Variants in MYH10 observed in about 807,000 individuals in gnomAD.
MYH10 encodes myosin heavy chain 10, also known as myosin-10.
Under a neutral mutation model 257.8 loss-of-function variants are expected in MYH10, and 55 were observed. The observed-to-expected ratio is 0.21, with a 90% CI of 0.17 to 0.27. The LOEUF is 0.27. MYH10 is among the 10% of genes least tolerant of loss of function. The pLI is 1.00. For synonymous variants in MYH10, 854 were observed against 921.7 expected, an observed-to-expected ratio of 0.93 and a Z score of 1.33; for missense variants, 1,631 against 2,500.6, an observed-to-expected ratio of 0.65 and a Z score of 7.42.
chr17:8,546,908 T>A (rs1288822811), intron 11 of MYH10, among the ~76,000 whole-genome samples: 2 of 152,168 alleles, frequency 1.3e-5, no homozygotes, highest in African/African-American at 4.8e-5. Flanking sequence ...TATTTATTCA[T>A]TTTTTTAGAG....
chr17:8,487,313 C>T, intron 36 of MYH10, 120 bp downstream of exon 36: 3 of 1,193,688 alleles, frequency 2.5e-6, no homozygotes, highest in African/African-American at 3.0e-5. Flanking sequence ...TGGCCTGCTG[C>T]CCCACCCCCG....
chr17:8,624,280 T>C (rs1191162249), intron 1 of MYH10, among the ~76,000 whole-genome samples: 2 of 152,222 alleles, frequency 1.3e-5, no homozygotes, highest in African/African-American at 2.4e-5. Context: ...ACTTGTGCAC[T>C]GGCTTTCTGG....
intron 31 of MYH10, 95 bp from the exon 32 acceptor site, chr17:8,493,980 G>T: frequency 1.5e-6 from 2 of 1,376,984 alleles, no homozygotes; most frequent in Non-Finnish European, 2.0e-6. Context: ...AAAAGAGACA[G>T]CCTCAATGCA....
At chr17:8,616,740 C>CA (rs2085276468) in intron 2 of MYH10, among the ~76,000 whole-genome samples, 4 of 152,084 alleles carry the variant, frequency 2.6e-5, no homozygotes, top group Non-Finnish European at 5.9e-5. Flanking sequence ...ATCAAAATTT[C>CA]AACAAGGTTG....
At chr17:8,481,437 C>A in intron 37 of MYH10, 27 bp from the exon 38 acceptor site, 3 of 1,607,278 alleles carry the variant, frequency 1.9e-6, no homozygotes, top group African/African-American at 1.3e-5. Flanking sequence ...GCGTTAAGCT[C>A]TGGCTGTGAA....
At chr17:8,486,507 GA>G (rs1237172635) in intron 36 of MYH10, among the ~76,000 whole-genome samples, 10 of 81,096 alleles carry the variant, frequency 1.2e-4, no homozygotes, top group Non-Finnish European at 2.4e-4. Context: ...CTATCTCTGG[GA>G]AAAAAAACAA....
intron 1 of MYH10, among the ~76,000 whole-genome samples, chr17:8,623,689 A>G (rs138058246): frequency 1.3e-5 from 2 of 152,344 alleles, no homozygotes; most frequent in African/African-American, 4.8e-5. Flanking sequence ...ACCACAAGGA[A>G]ACAGCTACAA....
intron 9 of MYH10, among the ~76,000 whole-genome samples, chr17:8,550,136 T>C (rs1342423896): frequency 2.0e-5 from 3 of 150,102 alleles, no homozygotes; most frequent in Non-Finnish European, 4.4e-5. Flanking sequence ...GGAGCGTCTC[T>C]GCCTGGCCGC....
In MYH10 at chr17:8,478,412, T is replaced by C. The variant is rs773763080; in HGVS notation, c.5632A>G (p.Thr1878Ala). Residue 1878 changes from threonine (T) to alanine (A), a missense_variant, in exon 41 of 43, where the codon ACT becomes GCT. Around this residue, in one of 11 missense-constraint regions of MYH10, gnomAD observed 343 missense variants for 389.5 expected, o/e 0.88. Transcript: ENST00000360416. ...AAGATTTCTTTCAGCTTCTTCTCAG[T>C]GCGACGGACTAATTTGTTGGCGGCT... is the stretch of plus-strand genomic sequence containing the variant. ...RAAANKLVRR[T>A]EKKLKEIFMQ... 6.2e-7 allele frequency: 1 copy of C among 1,614,264 alleles called. No homozygotes were observed. Among genetic ancestry groups the C allele is most frequent in the East Asian group, 2.2e-5 (1 of 44,878 alleles).
chr17:8,615,944 A>T (rs542088839), intron 2 of MYH10, among the ~76,000 whole-genome samples: 7 of 152,240 alleles, frequency 4.6e-5, no homozygotes, highest in Non-Finnish European at 1.0e-4. Context: ...TTCAAAAAAC[A>T]TTGTACTGAA....
chr17:8,508,076 G>A (rs1347070642), intron 26 of MYH10, among the ~76,000 whole-genome samples: 3 of 152,088 alleles, frequency 2.0e-5, no homozygotes, highest in South Asian at 4.1e-4. Flanking sequence ...ACAGGGTCTC[G>A]CTGTGTTACC....
Position 8,589,064 on chromosome 17 carries a change from A to G in MYH10, c.530+17T>C, listed in dbSNP as rs756897547. The G allele has an allele frequency of 5.0e-6, 8 of 1,612,910 alleles. No individual in the cohort carries two copies. The highest frequency in any genetic ancestry group is 1.3e-5 in the African/African-American group (1 of 74,898). ...AAGAAAATCAAAAACAAATCTGAAC[A>G]TTCAACATTTACTTACGTGCAAAGA... On this transcript the variant is annotated intron_variant, in intron 4 of 42. Transcript: ENST00000360416.
chr17:8,545,371 G>A lies in MYH10; in HGVS notation c.1431+77C>T. 1 of 1,521,286 alleles carries A rather than the reference G, an allele frequency of 6.6e-7. No individual in the cohort carries two copies. Among genetic ancestry groups the A allele is most frequent in the South Asian group, 1.2e-5 (1 of 86,048 alleles). 94.2% of individuals were successfully genotyped at this position (1,521,286 alleles called of 1,614,324 possible). ...ATCCCTGGTGCCTCGTATGTACTGGGCACACAGTAAGCCTTCATATTTGTT... is the reference window on the plus strand; with the variant it reads ...ATCCCTGGTGCCTCGTATGTACTGGACACACAGTAAGCCTTCATATTTGTT... On this transcript the variant is annotated intron_variant, in intron 13 of 42. Coordinates refer to ENST00000360416, the MANE Select transcript of MYH10 (RefSeq NM_001256012.3). The surrounding 1 kb of genome is among the most constrained non-coding windows in gnomAD (Gnocchi z 4.7).
At chr17:8,542,688 C>T (rs758614692) in intron 13 of MYH10, among the ~76,000 whole-genome samples, 5 of 152,070 alleles carry the variant, frequency 3.3e-5, no homozygotes, top group Non-Finnish European at 5.9e-5. Flanking sequence ...CAAAGGAAGG[C>T]GAACAAGGTG....
intron 2 of MYH10, among the ~76,000 whole-genome samples, chr17:8,618,798 T>C (rs962110675): frequency 2.0e-5 from 3 of 152,246 alleles, no homozygotes; most frequent in Non-Finnish European, 4.4e-5. Flanking sequence ...CCATCTATCA[T>C]ATCAGAAAGG....
At chr17:8,530,731 A>T in intron 16 of MYH10, 46 bp from the exon 17 acceptor site, 4 of 1,379,018 alleles carry the variant, frequency 2.9e-6, no homozygotes, top group Non-Finnish European at 4.0e-6. Flanking sequence ...GCAAATACAC[A>T]AACACTTCAG....
intron 9 of MYH10, among the ~76,000 whole-genome samples, chr17:8,551,334 A>G (rs1422537680): frequency 6.6e-6 from 1 of 152,048 alleles, no homozygotes; most frequent in Non-Finnish European, 1.5e-5. Context: ...TTCTCTGATT[A>G]ATTTTTGGGT....
At chr17:8,610,271 C>CAAAAAAAAAAAA (rs71361810) in intron 2 of MYH10, among the ~76,000 whole-genome samples, 6,203 of 45,734 alleles carry the variant, frequency 0.14, 1,788 homozygotes, top group East Asian at 0.27. Context: ...CATAGGATTG[C>CAAAAAAAAAAAA]AAAAAAAAAA....
chr17:8,501,589 C>T (rs769625454), intron 28 of MYH10, among the ~76,000 whole-genome samples: 9 of 152,128 alleles, frequency 5.9e-5, no homozygotes, highest in South Asian at 2.1e-4. Flanking sequence ...GTGAAGAAGC[C>T]GCAATTAACT....
Sources: gnomAD v4.1 joint callset for allele counts (sites outside exome capture counted in the v4.1 genomes callset) on GRCh38, gnomAD v4.1.1 for gene constraint, gnomAD v4.1.1 regional missense constraint, Gnocchi (gnomAD v3.1) non-coding constraint, MANE v1.5 for transcripts, NCBI Gene and HGNC (gene_info 2026-07-23, HGNC 2026-07-21) for gene names.